Variants in SCAMP5 observed in about 807,000 individuals in gnomAD.
SCAMP5 encodes the protein secretory carrier membrane protein 5.
SCAMP5 carries 7 observed loss-of-function variants against 28.3 expected under a neutral mutation model. That is an observed-to-expected ratio of 0.25 (90% CI 0.14 to 0.46). The LOEUF is 0.46. SCAMP5 is among the 20% of genes least tolerant of loss of function. The pLI is 0.99. For synonymous variants in SCAMP5, 117 were observed against 116.4 expected (o/e 1.00, Z -0.03); for missense variants, 192 against 312.5 (o/e 0.61, Z 2.91).
chr15:75,000,829 C>G (rs1037703299), intron 1 of SCAMP5, among the ~76,000 whole-genome samples: 2 of 151,942 alleles, frequency 1.3e-5, no homozygotes, highest in African/African-American at 2.4e-5. Flanking sequence ...TTTTGCCTTT[C>G]CTTTGCTCCC....
chr15:75,008,104 T>C (rs1197766443), intron 1 of SCAMP5, among the ~76,000 whole-genome samples: 1 of 152,142 alleles, frequency 6.6e-6, no homozygotes, highest in African/African-American at 2.4e-5. Context: ...TTTTTTCTTG[T>C]CTGTGAGATT....
intron 4 of SCAMP5, chr15:75,017,619 G>A (rs572679606): frequency 4.0e-4 from 233 of 577,942 alleles, no homozygotes; most frequent in Non-Finnish European, 6.3e-4. Context: ...CAATGAGGCC[G>A]TCCATCCATG....
At chr15:75,016,831 T>A in intron 4 of SCAMP5, 82 bp downstream of exon 4, 3 of 338,140 alleles carry the variant, frequency 8.9e-6, no homozygotes, top group Non-Finnish European at 1.3e-5. Flanking sequence ...TCTCACTTCT[T>A]TTTTTTTTTT....
rs770574778 is a variant in SCAMP5 at position 75,018,818 on chromosome 15, G to A, written c.543G>A (p.Gly181=). ...ATAAATTTTACCGGGGAAGTGGGGG[G>A]AGTTTCAGCAAAGCTCAGGAGGAGT... The part of the protein sequence containing the change: ...MVHKFYRGSG[G]SFSKAQEEWT... The change falls in exon 7 of 7, where the codon GGG becomes GGA. Residue 181 remains glycine, a synonymous_variant. Coordinates refer to ENST00000425597, the MANE Select transcript of SCAMP5 (RefSeq NM_138967.4). This position sits in a 1 kb window ranked among gnomAD's most constrained non-coding sequence, Gnocchi z 5.6. The A allele has an allele frequency of 3.7e-6, 6 of 1,605,754 alleles. No homozygotes were observed. Among genetic ancestry groups the A allele is most frequent in the African/African-American group, 1.3e-5 (1 of 74,122 alleles).
intron 1 of SCAMP5, among the ~76,000 whole-genome samples, chr15:75,008,451 AAT>A (rs1431780698): frequency 6.7e-6 from 1 of 149,570 alleles, no homozygotes; most frequent in African/African-American, 2.5e-5. Context: ...TTTTTTACTT[AAT>A]ATATCCTGGA....
intron 3 of SCAMP5, among the ~76,000 whole-genome samples, chr15:75,016,100 G>A (rs1440060139): frequency 2.0e-5 from 3 of 152,192 alleles, no homozygotes; most frequent in Admixed American, 6.5e-5. Flanking sequence ...GTGTAAGGTC[G>A]GTTTCCCATG....
intron 1 of SCAMP5, among the ~76,000 whole-genome samples, chr15:74,998,826 G>A (rs2065676361): frequency 6.6e-6 from 1 of 152,058 alleles, no homozygotes; most frequent in African/African-American, 2.4e-5. Flanking sequence ...CTCTGCTCTG[G>A]TTTCTGCTCT....
chr15:75,015,677 G>A (rs1227766162), intron 3 of SCAMP5, among the ~76,000 whole-genome samples: 5 of 152,130 alleles, frequency 3.3e-5, no homozygotes, highest in Non-Finnish European at 2.9e-5. Context: ...CTATAATCCG[G>A]CACTGTGGGA....
intron 1 of SCAMP5, among the ~76,000 whole-genome samples, chr15:75,003,390 A>G (rs2065727290): frequency 6.6e-6 from 1 of 152,190 alleles, no homozygotes; most frequent in African/African-American, 2.4e-5. Context: ...GAGAGCCACA[A>G]TTACCATATT....
At chr15:74,997,048 C>G (rs2065660211) in intron 1 of SCAMP5, among the ~76,000 whole-genome samples, 1 of 152,154 alleles carries the variant, frequency 6.6e-6, no homozygotes, top group Non-Finnish European at 1.5e-5. Context: ...GTCACCTCCC[C>G]TCTCTGGGCA....
Position 75,012,607 on chromosome 15 carries a change from G to A in SCAMP5, c.8-70G>A, listed in dbSNP as rs540543097. The A allele has an allele frequency of 1.4e-5, 23 of 1,588,020 alleles. No homozygotes were observed. In the South Asian group the frequency reaches 2.1e-4, roughly 15 times the overall value. Reference sequence around the variant, plus strand: ...GGCCAATGGGGCAGCACAGCCAGGGGAAGGATGGGCGTCTTGGATTGTCGG... The same window carrying A: ...GGCCAATGGGGCAGCACAGCCAGGGAAAGGATGGGCGTCTTGGATTGTCGG... On this transcript the variant is annotated intron_variant, in intron 2 of 6. Coordinates refer to ENST00000425597, the MANE Select transcript of SCAMP5 (RefSeq NM_138967.4).
chr15:75,009,410 TC>T (rs1342893424), intron 1 of SCAMP5, among the ~76,000 whole-genome samples: 2 of 150,758 alleles, frequency 1.3e-5, no homozygotes, highest in Non-Finnish European at 1.5e-5. Context: ...TTTAATCAGG[TC>T]CAGAAGAATT....
intron 1 of SCAMP5, among the ~76,000 whole-genome samples, chr15:75,002,466 C>G (rs1015667163): frequency 2.0e-5 from 3 of 152,070 alleles, no homozygotes; most frequent in Non-Finnish European, 4.4e-5. Context: ...GGTACCCTAT[C>G]TCTATTCTCT....
intron 1 of SCAMP5, among the ~76,000 whole-genome samples, chr15:75,003,269 G>T (rs919965638): frequency 6.6e-6 from 1 of 152,140 alleles, no homozygotes; most frequent in African/African-American, 2.4e-5. Context: ...TAAAATAATG[G>T]TCTGTCTTAA....
rs1295461118 is a variant in SCAMP5 at position 75,012,695 on chromosome 15, C to G, written c.26C>G (p.Pro9Arg). 4 of 1,613,864 alleles carry G rather than the reference C, an allele frequency of 2.5e-6. No homozygotes were observed. The highest frequency in any genetic ancestry group is 3.4e-6 in the Non-Finnish European group (4 of 1,179,860). ...TCCACAGAGAAAGTGAACAACTTCC[C>G]ACCATTGCCCAAATTCATCCCGCTG... Reference protein sequence around the residue: MAEKVNNFPPLPKFIPLKP... With the variant: MAEKVNNFRPLPKFIPLKP... Residue 9 changes from proline to arginine, a missense_variant, in exon 3 of 7, where the codon CCA becomes CGA. Physicochemically the swap from Pro to Arg is moderately radical, Grantham distance 103 (BLOSUM62 -2). Coordinates refer to ENST00000425597, the MANE Select transcript of SCAMP5 (RefSeq NM_138967.4).
At chr15:75,008,903 C>T (rs1438596891) in intron 1 of SCAMP5, among the ~76,000 whole-genome samples, 1 of 152,174 alleles carries the variant, frequency 6.6e-6, no homozygotes, top group East Asian at 1.9e-4. Context: ...CAAATAGTGT[C>T]ATGTCGAATA....
chr15:75,009,029 G>A (rs1191159543), intron 1 of SCAMP5, among the ~76,000 whole-genome samples: 1 of 152,072 alleles, frequency 6.6e-6, no homozygotes, highest in Non-Finnish European at 1.5e-5. Context: ...AATATGAAAA[G>A]TATAACATAC....
chr15:75,011,109 C>G (rs1307105930), intron 1 of SCAMP5, among the ~76,000 whole-genome samples: 2 of 151,956 alleles, frequency 1.3e-5, no homozygotes, highest in Non-Finnish European at 2.9e-5. Context: ...GGAGGCTGCG[C>G]TTGGAGGATC....
chr15:74,999,949 C>T (rs970059859), intron 1 of SCAMP5, among the ~76,000 whole-genome samples: 13 of 152,002 alleles, frequency 8.6e-5, no homozygotes, highest in Non-Finnish European at 1.3e-4. Flanking sequence ...AAAACTTTCA[C>T]GAGATATTGT....
Sources: gnomAD v4.1 joint callset for allele counts (sites outside exome capture counted in the v4.1 genomes callset) on GRCh38, gnomAD v4.1.1 for gene constraint, Gnocchi (gnomAD v3.1) non-coding constraint, MANE v1.5 for transcripts, NCBI Gene and HGNC (gene_info 2026-07-23, HGNC 2026-07-21) for gene names.